The following GABRA4 variants were observed in gnomAD, a reference collection of about 807,000 sequenced individuals.
The protein encoded by GABRA4 is gamma-aminobutyric acid receptor subunit alpha-4.
Under a neutral mutation model 49.7 loss-of-function variants are expected in GABRA4, and 12 were observed. The ratio of observed to expected loss-of-function variants is 0.24; its 90% confidence interval spans 0.15 to 0.39. GABRA4 has a LOEUF of 0.39. Ranked by LOEUF, GABRA4 falls within the 10% of genes least tolerant of loss-of-function variation. The probability of loss-of-function intolerance (pLI) is 1.00; values close to 1 mark genes in which losing one functional copy is unlikely to be tolerated. For synonymous variants in GABRA4, 288 were observed against 240.2 expected, an observed-to-expected ratio of 1.20 and a Z score of -1.84; for missense variants, 506 against 686.0, an observed-to-expected ratio of 0.74 and a Z score of 2.93.
At chr4:46,947,933 T>C (rs182907307) in intron 8 of GABRA4, among the ~76,000 whole-genome samples, 15 of 152,192 alleles carry the variant, frequency 9.9e-5, no homozygotes, top group African/African-American at 3.4e-4. Flanking sequence ...TCAGAAGGGC[T>C]GGGTTGGAAT....
chr4:46,986,140 T>G (rs552807888), intron 2 of GABRA4, among the ~76,000 whole-genome samples: 2 of 152,102 alleles, frequency 1.3e-5, no homozygotes, highest in Non-Finnish European at 1.5e-5. Context: ...CATGAGTTTT[T>G]CCTTATATAC....
intron 2 of GABRA4, 40 bp downstream of exon 2, chr4:46,992,788 G>A: frequency 7.2e-7 from 1 of 1,382,938 alleles, no homozygotes; most frequent in East Asian, 2.3e-5. Context: ...CCAAGAGAGG[G>A]ACAGACAGGA....
chr4:46,988,123 A>G (rs564636833), intron 2 of GABRA4, among the ~76,000 whole-genome samples: 13 of 152,216 alleles, frequency 8.5e-5, no homozygotes, highest in African/African-American at 2.2e-4. Context: ...TACTCTTTTC[A>G]TGTCTGACAC....
Position 46,920,033 on chromosome 4 carries a change from G to T in GABRA4, c.*8192C>A, listed in dbSNP as rs1450638019. ...AACTAGGAGACAATATACATAATCA[G>T]TAAAATGACAAGCCAACATGCTGCA... On this transcript the variant is annotated 3_prime_UTR_variant, in exon 9 of 9. Transcript: ENST00000264318. 1 of 151,598 alleles carries T rather than the reference G, an allele frequency of 6.6e-6. No individual in the cohort carries two copies. The highest frequency in any genetic ancestry group is 1.5e-5 in the Non-Finnish European group (1 of 67,646). 9.4% of individuals were successfully genotyped at this position (151,598 alleles called of 1,614,324 possible).
chr4:46,939,913 G>A (rs1721734802), intron 8 of GABRA4, among the ~76,000 whole-genome samples: 1 of 151,868 alleles, frequency 6.6e-6, no homozygotes. Context: ...AGTGCTTATA[G>A]ATAATACTTT....
intron 3 of GABRA4, 63 bp downstream of exon 3, chr4:46,978,968 G>T (rs1723252296): frequency 9.9e-7 from 1 of 1,006,942 alleles, no homozygotes; most frequent in Non-Finnish European, 1.6e-6. Context: ...AATATTAATT[G>T]CCCTCTTTTC....
intron 2 of GABRA4, among the ~76,000 whole-genome samples, chr4:46,989,395 A>G (rs1009296534): frequency 2.0e-5 from 3 of 152,180 alleles, no homozygotes; most frequent in African/African-American, 4.8e-5. Context: ...GGATGATAGC[A>G]ACTGATTTAT....
At chr4:46,973,137 C>T (rs769941367) in intron 6 of GABRA4, among the ~76,000 whole-genome samples, 1 of 151,666 alleles carries the variant, frequency 6.6e-6, no homozygotes, top group African/African-American at 2.4e-5. Context: ...GAAAAAAATA[C>T]ATGGAAATAA....
chr4:46,946,030 A>G (rs1721967067), intron 8 of GABRA4, among the ~76,000 whole-genome samples: 1 of 152,140 alleles, frequency 6.6e-6, no homozygotes, highest in African/African-American at 2.4e-5. Flanking sequence ...TTTCTGCTCC[A>G]CAATAAAACC....
At chr4:46,954,059 A>T (rs1722260357) in intron 8 of GABRA4, among the ~76,000 whole-genome samples, 1 of 152,144 alleles carries the variant, frequency 6.6e-6, no homozygotes, top group African/African-American at 2.4e-5. Context: ...CTATATGAAT[A>T]TACATGAAGT....
intron 8 of GABRA4, among the ~76,000 whole-genome samples, chr4:46,932,040 T>A (rs753757267): frequency 6.6e-5 from 10 of 152,120 alleles, no homozygotes; most frequent in Non-Finnish European, 1.2e-4. Context: ...AATAGATAGA[T>A]GAGTTAGATC....
intron 8 of GABRA4, among the ~76,000 whole-genome samples, chr4:46,935,674 G>T (rs1347804842): frequency 1.3e-5 from 2 of 152,046 alleles, no homozygotes; most frequent in African/African-American, 4.8e-5. Context: ...TGTTTGGGGT[G>T]GGGGGCTAGG....
intron 7 of GABRA4, among the ~76,000 whole-genome samples, chr4:46,969,162 T>C (rs532833397): frequency 6.6e-6 from 1 of 151,706 alleles, no homozygotes; most frequent in South Asian, 2.1e-4. Flanking sequence ...GTAGGCTTTC[T>C]GCCTCCACAT....
intron 5 of GABRA4, among the ~76,000 whole-genome samples, chr4:46,975,761 A>G (rs565582021): frequency 6.6e-6 from 1 of 152,068 alleles, no homozygotes; most frequent in African/African-American, 2.4e-5. Context: ...CTACATGAGA[A>G]CTAATTTGGG....
chr4:46,993,235 G>A, intron 1 of GABRA4, 104 bp downstream of exon 1: 10 of 988,294 alleles, frequency 1.0e-5, no homozygotes, highest in Non-Finnish European at 1.1e-5. Context: ...GCTGAGATAA[G>A]AAGACCTAGT....
Position 46,936,043 on chromosome 4 carries a change from G to A in GABRA4, c.1135-7288C>T, listed in dbSNP as rs534231956. Among the ~76,000 whole-genome samples, 13 of 152,244 alleles carry A rather than the reference G, an allele frequency of 8.5e-5. No individual in the cohort carries two copies. In the East Asian group the frequency reaches 2.5e-3, roughly 29 times the overall value. On this transcript the variant is annotated intron_variant, in intron 8 of 8. Coordinates refer to ENST00000264318, the MANE Select transcript of GABRA4 (RefSeq NM_000809.4). Reference sequence around the variant, plus strand: ...GGAAAAAGTAGCAATAACAACAACAGCCAAAACAATGGTTAACTTTTCTTG... The same window carrying A: ...GGAAAAAGTAGCAATAACAACAACAACCAAAACAATGGTTAACTTTTCTTG...
chr4:46,940,275 T>A (rs1057251395), intron 8 of GABRA4, among the ~76,000 whole-genome samples: 2 of 152,112 alleles, frequency 1.3e-5, no homozygotes, highest in African/African-American at 4.8e-5. Context: ...TGAAACATTT[T>A]TCCTTTGGTA....
chr4:46,990,211 C>T (rs1223456369), intron 2 of GABRA4, among the ~76,000 whole-genome samples: 3 of 152,136 alleles, frequency 2.0e-5, no homozygotes, highest in Non-Finnish European at 2.9e-5. Context: ...AATGTTAATT[C>T]GACCCTTTCC....
At chr4:46,963,270 C>A (rs1426038938) in intron 8 of GABRA4, among the ~76,000 whole-genome samples, 1 of 151,694 alleles carries the variant, frequency 6.6e-6, no homozygotes, top group Non-Finnish European at 1.5e-5. Flanking sequence ...ATAATCCAAT[C>A]AAAAATGGGC....
Sources: gnomAD v4.1 joint callset for allele counts (sites outside exome capture counted in the v4.1 genomes callset) on GRCh38, gnomAD v4.1.1 for gene constraint, MANE v1.5 for transcripts, NCBI Gene and HGNC (gene_info 2026-07-23, HGNC 2026-07-21) for gene names.